Variants in VWC2L observed in about 807,000 individuals in gnomAD.
VWC2L encodes von Willebrand factor C domain containing 2 like.
Under a neutral mutation model 21.6 loss-of-function variants are expected in VWC2L, and 10 were observed. The observed-to-expected ratio is 0.46, with a 90% CI of 0.29 to 0.78. The LOEUF is 0.78. VWC2L is among the 30% of genes least tolerant of loss of function. The pLI, the probability that VWC2L is intolerant of heterozygous loss-of-function variation, is 0.10. For missense variants in VWC2L, 209 were observed against 277.1 expected, an observed-to-expected ratio of 0.75 and a Z score of 1.74; for synonymous variants, 96 against 94.3, an observed-to-expected ratio of 1.02 and a Z score of -0.10.
At chr2:214,563,662 A>G (rs1328227469) in intron 3 of VWC2L, among the ~76,000 whole-genome samples, 2 of 151,796 alleles carry the variant, frequency 1.3e-5, no homozygotes, top group South Asian at 2.1e-4. Flanking sequence ...AAAAATCTCA[A>G]TAAACCAGGT....
intron 3 of VWC2L, among the ~76,000 whole-genome samples, chr2:214,522,895 A>G (rs1275523682): frequency 1.3e-5 from 2 of 152,216 alleles, no homozygotes; most frequent in Non-Finnish European, 2.9e-5. Flanking sequence ...CGGAAAAAAT[A>G]AAGAATATTT....
chr2:214,444,154 T>G (rs1702803519), intron 3 of VWC2L, among the ~76,000 whole-genome samples: 1 of 152,122 alleles, frequency 6.6e-6, no homozygotes, highest in Non-Finnish European at 1.5e-5. Flanking sequence ...AAATTTGGTA[T>G]GCAATGAAGT....
chr2:214,472,838 G>T (rs886878278), intron 3 of VWC2L, among the ~76,000 whole-genome samples: 1 of 152,060 alleles, frequency 6.6e-6, no homozygotes, highest in Non-Finnish European at 1.5e-5. Context: ...ATTCACCATG[G>T]GTCCTGATGG....
intron 3 of VWC2L, among the ~76,000 whole-genome samples, chr2:214,492,540 A>C (rs1332215310): frequency 6.6e-6 from 1 of 152,200 alleles, no homozygotes; most frequent in Non-Finnish European, 1.5e-5. Context: ...AGAGATGACA[A>C]CCAAAGAAGA....
chr2:214,436,734 C>A lies in VWC2L; in HGVS notation c.496C>A (p.Gln166Lys). 6.2e-7 allele frequency: 1 copy of A among 1,613,290 alleles called. No homozygotes were observed. Among genetic ancestry groups the A allele is most frequent in the African/African-American group, 1.3e-5 (1 of 74,978 alleles). Reference sequence around the variant, plus strand: ...TGTCAACCCAGTCTATGAACCAGAACAATGTTGTCCTGTCTGCAAAAATGG... The same window carrying A: ...TGTCAACCCAGTCTATGAACCAGAAAAATGTTGTCCTGTCTGCAAAAATGG... The part of the protein sequence containing the change: ...ECVNPVYEPE[Q>K]CCPVCKNGPN... Residue 166 changes from glutamine (Q) to lysine (K), a missense_variant, in exon 3 of 4, where the codon CAA becomes AAA. Physicochemically the swap from Gln to Lys is moderately conservative, Grantham distance 53 (BLOSUM62 1). Transcript: ENST00000312504.
chr2:214,482,602 A>G (rs1360906601), intron 3 of VWC2L, among the ~76,000 whole-genome samples: 1 of 150,112 alleles, frequency 6.7e-6, no homozygotes, highest in Non-Finnish European at 1.5e-5. Flanking sequence ...TATATTTACC[A>G]GTTTGAAGAG....
intron 3 of VWC2L, among the ~76,000 whole-genome samples, chr2:214,527,166 T>C (rs570910834): frequency 6.6e-6 from 1 of 152,218 alleles, no homozygotes; most frequent in South Asian, 2.1e-4. Context: ...AAATACTACA[T>C]GTCCTCACTT....
At chr2:214,477,485 A>G (rs1044646100) in intron 3 of VWC2L, among the ~76,000 whole-genome samples, 1 of 152,204 alleles carries the variant, frequency 6.6e-6, no homozygotes, top group Non-Finnish European at 1.5e-5. Flanking sequence ...TCCTATGACC[A>G]CAACCTCTGG....
chr2:214,427,395 A>G (rs1702540076), intron 2 of VWC2L, among the ~76,000 whole-genome samples: 1 of 152,192 alleles, frequency 6.6e-6, no homozygotes, highest in Non-Finnish European at 1.5e-5. Context: ...ACTAAAAGAT[A>G]CTTAAATCAA....
intron 3 of VWC2L, among the ~76,000 whole-genome samples, chr2:214,450,400 A>T (rs577153722): frequency 6.6e-6 from 1 of 152,224 alleles, no homozygotes; most frequent in Admixed American, 6.5e-5. Context: ...GTATGTGTCT[A>T]AGCACCCATG....
chr2:214,494,355 G>A (rs951318364), intron 3 of VWC2L, among the ~76,000 whole-genome samples: 11 of 152,160 alleles, frequency 7.2e-5, no homozygotes, highest in Admixed American at 2.6e-4. Flanking sequence ...ACTTTGCCAT[G>A]CAGAATGAGT....
intron 3 of VWC2L, among the ~76,000 whole-genome samples, chr2:214,546,024 A>G (rs144885361): frequency 6.6e-6 from 1 of 152,172 alleles, no homozygotes; most frequent in African/African-American, 2.4e-5. Flanking sequence ...CCAGCCCTGC[A>G]TGCTAACTTT....
intron 3 of VWC2L, among the ~76,000 whole-genome samples, chr2:214,569,772 C>T (rs866807113): frequency 1.3e-5 from 2 of 152,142 alleles, no homozygotes; most frequent in Admixed American, 6.5e-5. Flanking sequence ...AGGCTCTCTG[C>T]TACAACCTTC....
intron 3 of VWC2L, among the ~76,000 whole-genome samples, chr2:214,459,891 T>C (rs1296329038): frequency 6.7e-6 from 1 of 150,056 alleles, no homozygotes; most frequent in African/African-American, 2.5e-5. Flanking sequence ...GAATTATTTC[T>C]TTTCCTTTGA....
intron 3 of VWC2L, among the ~76,000 whole-genome samples, chr2:214,480,003 AAAT>A (rs1688580102): frequency 6.6e-6 from 1 of 152,190 alleles, no homozygotes; most frequent in South Asian, 2.1e-4. Flanking sequence ...ATTACTTTCT[AAAT>A]AATGTAGTAT....
chr2:214,522,798 C>G (rs1189090999), intron 3 of VWC2L, among the ~76,000 whole-genome samples: 1 of 152,082 alleles, frequency 6.6e-6, no homozygotes, highest in Non-Finnish European at 1.5e-5. Flanking sequence ...TAAGAAGCCA[C>G]TTTTCAAATT....
At chr2:214,511,843 C>T (rs1354829658) in intron 3 of VWC2L, among the ~76,000 whole-genome samples, 1 of 136,190 alleles carries the variant, frequency 7.3e-6, no homozygotes, top group Admixed American at 7.3e-5. Flanking sequence ...TATATATACA[C>T]TTTATATATA....
intron 3 of VWC2L, among the ~76,000 whole-genome samples, chr2:214,533,464 C>A (rs915186566): frequency 2.0e-5 from 3 of 151,774 alleles, no homozygotes; most frequent in African/African-American, 7.3e-5. Context: ...TATCTAACTT[C>A]CACTTTGGAA....
chr2:214,473,684 C>A (rs1703341870), intron 3 of VWC2L: 1 of 150,242 alleles, frequency 6.7e-6, no homozygotes, highest in African/African-American at 2.5e-5. Flanking sequence ...TACCCAAACC[C>A]AGACAGGTTT....
Sources: gnomAD v4.1 joint callset for allele counts (sites outside exome capture counted in the v4.1 genomes callset) on GRCh38, gnomAD v4.1.1 for gene constraint, MANE v1.5 for transcripts, NCBI Gene and HGNC (gene_info 2026-07-23, HGNC 2026-07-21) for gene names.